The following ANKRD11 variants were observed in gnomAD, a reference collection of about 807,000 sequenced individuals.
The protein encoded by ANKRD11 is ankyrin repeat domain-containing protein 11.
ANKRD11 carries 17 observed loss-of-function variants against 195.7 expected under a neutral mutation model. That is an observed-to-expected ratio of 0.09 (90% confidence interval 0.06 to 0.13). ANKRD11 has a LOEUF of 0.13. Among genes scored for constraint, ANKRD11 ranks in the 10% least tolerant of loss-of-function variants. The probability of loss-of-function intolerance (pLI) is 1.00; values close to 1 mark genes in which losing one functional copy is unlikely to be tolerated. For missense variants in ANKRD11, 3,735 were observed against 3,566.1 expected (o/e 1.05, Z -1.21); for synonymous variants, 1,953 against 1,528.1 (o/e 1.28, Z -6.49).
intron 2 of ANKRD11, among the ~76,000 whole-genome samples, chr16:89,403,933 A>G (rs75250011): frequency 6.6e-6 from 1 of 152,186 alleles, no homozygotes; most frequent in East Asian, 1.9e-4. Context: ...TTAAAAAAGC[A>G]AAACAACAAC....
rs1015183507 is a variant in ANKRD11 at position 89,393,299 on chromosome 16, A to G, written c.-60+24985T>C. The stretch of plus-strand genomic sequence containing the variant: ...TAAACTTTAGTTTCCTCTTTTTTTT[A>G]CTTTTTTTATTTTTATTTTTTTTTT... On this transcript the variant is annotated intron_variant, in intron 2 of 12. Transcript: ENST00000301030. Among the ~76,000 whole-genome samples the G allele has an allele frequency of 4.7e-5, 7 of 148,540 alleles. 1 individual carries two copies. Among genetic ancestry groups the G allele is most frequent in the African/African-American group, 7.5e-5 (3 of 40,222 alleles).
chr16:89,283,734 T>C lies in ANKRD11; in HGVS notation c.2808A>G (p.Glu936=). Residue 936 remains glutamate (E), a synonymous_variant, in exon 9 of 13, where the codon GAA becomes GAG. Coordinates refer to ENST00000301030, the MANE Select transcript of ANKRD11 (RefSeq NM_013275.6). This position sits in a 1 kb window ranked among gnomAD's most constrained non-coding sequence, Gnocchi z 4.3. ...CGGACTCTCTCCTCTTCTTGTCCTT[T>C]TCCGAAAGGTAGCCAGGGACACTTT... ...KHKSVPGYLS[E]KDKKRRESAE... 1.2e-6 allele frequency: 2 copies of C among 1,613,464 alleles called. No individual in the cohort carries two copies. The highest frequency in any genetic ancestry group is 1.1e-5 in the South Asian group (1 of 91,078).
Position 89,280,981 on chromosome 16 carries a change from T to G in ANKRD11, c.5561A>C (p.Asp1854Ala), listed in dbSNP as rs1022438148. 4 of 1,573,398 alleles carry G rather than the reference T, an allele frequency of 2.5e-6. No individual in the cohort carries two copies. Among genetic ancestry groups the G allele is most frequent in the Non-Finnish European group, 3.5e-6 (4 of 1,157,380 alleles). ...ACLSPGYYSP[D>A]YGLPSPKVDA... ...GACTTTGGGCGACGGGAGGCCATAG[T>G]CTGGGGAGTAGTACCCTGGCGACAA... Residue 1854 changes from aspartate to alanine, a missense_variant, in exon 9 of 13, where the codon GAC becomes GCC. Physicochemically the swap from Asp to Ala is moderately radical, Grantham distance 126. Coordinates refer to ENST00000301030, the MANE Select transcript of ANKRD11 (RefSeq NM_013275.6).
At chr16:89,465,113 A>C (rs2056838787) in intron 1 of ANKRD11, among the ~76,000 whole-genome samples, 1 of 152,246 alleles carries the variant, frequency 6.6e-6, no homozygotes, top group African/African-American at 2.4e-5. Context: ...GGCTCGTTTT[A>C]AGTGTGGCCC....
At chr16:89,401,015 C>CCG (rs1391457303) in intron 2 of ANKRD11, among the ~76,000 whole-genome samples, 4 of 152,210 alleles carry the variant, frequency 2.6e-5, no homozygotes, top group African/African-American at 9.6e-5. Context: ...AAGGGAGGCC[C>CCG]CGCGTGTGGG....
At chr16:89,290,983 C>T (rs191790632) in intron 5 of ANKRD11, 30 bp downstream of exon 5, 68 of 1,609,954 alleles carry the variant, frequency 4.2e-5, no homozygotes, top group Admixed American at 1.0e-4. Flanking sequence ...CCCTTCCCTG[C>T]GCCAGGGACC....
At chr16:89,454,521 A>G (rs1268179889) in intron 1 of ANKRD11, among the ~76,000 whole-genome samples, 3 of 152,216 alleles carry the variant, frequency 2.0e-5, no homozygotes, top group Non-Finnish European at 4.4e-5. Context: ...TTCACAAATT[A>G]TAACTCTGTC....
chr16:89,424,016 G>A (rs1471051595), intron 1 of ANKRD11, among the ~76,000 whole-genome samples: 2 of 152,056 alleles, frequency 1.3e-5, no homozygotes, highest in Non-Finnish European at 2.9e-5. Context: ...GGCGACCTCC[G>A]GGAAGATTGT....
intron 1 of ANKRD11, among the ~76,000 whole-genome samples, chr16:89,474,212 C>T (rs912427206): frequency 1.2e-4 from 18 of 152,270 alleles, no homozygotes; most frequent in Non-Finnish European, 2.6e-4. Flanking sequence ...AGATTGCAAC[C>T]GGATGAAACC....
Position 89,279,712 on chromosome 16 carries a change from T to C in ANKRD11, c.6830A>G (p.Asn2277Ser), listed in dbSNP as rs2151733080. ...TGCGGCCTGAGCTTGTGCCACAGTG[T>C]TCGGGGCGGGGCCGTCAGGGGCACA... is the stretch of plus-strand genomic sequence containing the variant. ...SLCAPDGPAPNTVAQAQAADG... is the reference protein window; with the variant it reads ...SLCAPDGPAPSTVAQAQAADG... The change falls in exon 9 of 13, where the codon AAC becomes AGC. Residue 2277 changes from asparagine (N) to serine (S), a missense_variant. Coordinates refer to ENST00000301030, the MANE Select transcript of ANKRD11 (RefSeq NM_013275.6). This position sits in a 1 kb window ranked among gnomAD's most constrained non-coding sequence, Gnocchi z 5.6. 6.5e-7 allele frequency: 1 copy of C among 1,527,026 alleles called. No individual in the cohort carries two copies. Among genetic ancestry groups the C allele is most frequent in the South Asian group, 1.2e-5 (1 of 83,094 alleles). 94.6% of individuals were successfully genotyped at this position (1,527,026 alleles called of 1,614,324 possible).
intron 9 of ANKRD11, chr16:89,277,982 T>A: frequency 6.2e-6 from 1 of 162,146 alleles, no homozygotes. Context: ...TCACGCCACC[T>A]GCGAGTTTCA....
chr16:89,459,484 C>T (rs879784495), intron 1 of ANKRD11: 1 of 152,132 alleles, frequency 6.6e-6, no homozygotes, highest in Non-Finnish European at 1.5e-5. Context: ...TTTTGAGCCA[C>T]GACACCCGGC....
chr16:89,311,034 A>G (rs955271713), intron 3 of ANKRD11, among the ~76,000 whole-genome samples: 1 of 152,260 alleles, frequency 6.6e-6, no homozygotes, highest in Non-Finnish European at 1.5e-5. Flanking sequence ...AGGTTTTCAC[A>G]GATGCTCTCT....
In ANKRD11 at chr16:89,291,578, C is replaced by T. The variant is rs894334267; in HGVS notation, c.227-395G>A. 1 of 945,724 alleles carries T rather than the reference C, an allele frequency of 1.1e-6. No homozygotes were observed. The allele number at this position is 945,724 out of a possible 1,614,324, so 58.6% of individuals were successfully genotyped here. On this transcript the variant is annotated intron_variant, in intron 4 of 12. Transcript: ENST00000301030. This position sits in a 1 kb window ranked among gnomAD's most constrained non-coding sequence, Gnocchi z 5.3. ...CTGTTCAATACACGTGTCTGTAATT[C>T]AATTCCACCTTCCCCGTCCCTCCTC...
intron 1 of ANKRD11, among the ~76,000 whole-genome samples, chr16:89,424,694 G>A (rs989847868): frequency 1.3e-5 from 2 of 152,152 alleles, no homozygotes; most frequent in African/African-American, 4.8e-5. Flanking sequence ...TTTTCAAATG[G>A]AGGACAAATC....
intron 4 of ANKRD11, among the ~76,000 whole-genome samples, chr16:89,295,985 C>CTTGTTTTTTTTT (rs2035405870): frequency 2.2e-5 from 1 of 45,142 alleles, no homozygotes; most frequent in Non-Finnish European, 3.7e-5. Flanking sequence ...ATCTGGCTGC[C>CTTGTTTTTTTTT]TTTTTTTTTT....
intron 2 of ANKRD11, among the ~76,000 whole-genome samples, chr16:89,317,735 A>G (rs112331727): frequency 6.6e-6 from 1 of 152,224 alleles, no homozygotes; most frequent in African/African-American, 2.4e-5. Context: ...ATCCGAGGAC[A>G]CATACTGTAT....
chr16:89,393,200 C>T (rs77975007), intron 2 of ANKRD11, among the ~76,000 whole-genome samples: 2 of 152,144 alleles, frequency 1.3e-5, no homozygotes, highest in Admixed American at 6.5e-5. Context: ...GAGAGCACGA[C>T]GCCAGCCTCA....
At chr16:89,463,918 A>G (rs529414114) in intron 1 of ANKRD11, among the ~76,000 whole-genome samples, 4 of 152,180 alleles carry the variant, frequency 2.6e-5, no homozygotes, top group Non-Finnish European at 5.9e-5. Flanking sequence ...TATTTACAAA[A>G]AACAATAGTA....
Sources: allele counts gnomAD v4.1 joint callset (sites outside exome capture counted in the v4.1 genomes callset), GRCh38; gene constraint gnomAD v4.1.1; non-coding constraint Gnocchi (gnomAD v3.1); transcripts MANE v1.5; gene names NCBI Gene and HGNC (gene_info 2026-07-23, HGNC 2026-07-21).